Variants in PALLD observed in about 807,000 individuals in gnomAD.
The protein encoded by PALLD is palladin.
A neutral mutation model predicts 123.5 loss-of-function variants in PALLD; 61 were observed. The observed-to-expected ratio is 0.49, with a 90% CI of 0.40 to 0.61. The LOEUF (loss-of-function observed/expected upper bound fraction) is 0.61. PALLD is among the 20% of genes least tolerant of loss of function. PALLD has a pLI of 0.00. For synonymous variants in PALLD, 465 were observed against 496.4 expected (o/e 0.94, Z 0.84); for missense variants, 1,273 against 1,377.0 (o/e 0.92, Z 1.20).
chr4:168,903,553 T>C (rs1346210999), intron 14 of PALLD, among the ~76,000 whole-genome samples: 2 of 152,162 alleles, frequency 1.3e-5, no homozygotes, highest in Non-Finnish European at 2.9e-5. Flanking sequence ...AAGGAAGATA[T>C]ATAATTTAAA....
intron 1 of PALLD, among the ~76,000 whole-genome samples, chr4:168,500,818 C>T (rs1017365160): frequency 6.6e-6 from 1 of 152,126 alleles, no homozygotes; most frequent in Admixed American, 6.6e-5. Flanking sequence ...TTTTTTCTAT[C>T]ATTTGTATAT....
chr4:168,897,106 C>T lies in PALLD; in HGVS notation c.2250+507C>T, dbSNP rs536129558. Reference sequence around the variant, plus strand: ...TTGGCTTCCCAAAGCGCTGGGAATACGGCATGAGCCACAGTGCCTGGCCTC... The same window carrying T: ...TTGGCTTCCCAAAGCGCTGGGAATATGGCATGAGCCACAGTGCCTGGCCTC... On this transcript the variant is annotated intron_variant, in intron 13 of 21. Coordinates refer to ENST00000505667, the MANE Select transcript of PALLD (RefSeq NM_001166108.2). Among the ~76,000 whole-genome samples the T allele has an allele frequency of 7.9e-5, 12 of 152,308 alleles. No homozygotes were observed. In the East Asian group the frequency reaches 1.2e-3, roughly 15 times the overall value.
chr4:168,646,233 G>C (rs1355018693), intron 2 of PALLD, among the ~76,000 whole-genome samples: 3 of 152,154 alleles, frequency 2.0e-5, no homozygotes, highest in African/African-American at 7.2e-5. Flanking sequence ...CCCATATCTC[G>C]TGCCCAAATA....
At chr4:168,499,269 AGGATGGGAGGGAGGATGGGAGG>A (rs1761101083) in intron 1 of PALLD, among the ~76,000 whole-genome samples, 1 of 31,406 alleles carries the variant, frequency 3.2e-5, no homozygotes, top group African/African-American at 1.5e-4. Flanking sequence ...GAAGGGAGGG[AGGATGGGAGGGAGGATGGGAGG>A]GAGGATGGGA....
At chr4:168,509,542 A>T (rs1367045472) in intron 1 of PALLD, among the ~76,000 whole-genome samples, 1 of 152,200 alleles carries the variant, frequency 6.6e-6, no homozygotes, top group Non-Finnish European at 1.5e-5. Flanking sequence ...GAATAACTGG[A>T]GACCAGTCAG....
At chr4:168,816,328 C>A (rs1249759220) in intron 10 of PALLD, among the ~76,000 whole-genome samples, 1 of 150,506 alleles carries the variant, frequency 6.6e-6, no homozygotes, top group Non-Finnish European at 1.5e-5. Context: ...GCTTAGGAAC[C>A]CAGAGCTTTA....
At chr4:168,924,918 C>T (rs753025711) in intron 19 of PALLD, 27 bp from the exon 20 acceptor site, 1 of 1,613,692 alleles carries the variant, frequency 6.2e-7, no homozygotes, top group Non-Finnish European at 8.5e-7. Context: ...AAATTTAGAA[C>T]CCTAATGACT....
At chr4:168,594,866 T>C (rs1771821933) in intron 2 of PALLD, among the ~76,000 whole-genome samples, 1 of 152,158 alleles carries the variant, frequency 6.6e-6, no homozygotes, top group African/African-American at 2.4e-5. Flanking sequence ...AGAACAAGGT[T>C]AACATAACTA....
rs1762575507 is a variant in PALLD, at chr4:168,512,078, A to C, written c.574A>C (p.Ser192Arg). ...TAAAGCCGCAAAGCCAAGAAACAGA[A>C]GCCCAAATGGGGAGTCCTCGTCACC... ...IFKAAKPRNR[S>R]PNGESSSPDS... Residue 192 changes from serine to arginine, a missense_variant, in exon 2 of 22, where the codon AGC becomes CGC. By Grantham distance (110) the Ser-to-Arg change is moderately radical. Around this residue, in one of 2 missense-constraint regions of PALLD, gnomAD observed 944 missense variants for 954.5 expected, o/e 0.99. Transcript: ENST00000505667. 2 of 1,614,134 alleles carry C rather than the reference A, an allele frequency of 1.2e-6. No individual in the cohort carries two copies. The highest frequency in any genetic ancestry group is 1.7e-6 in the Non-Finnish European group (2 of 1,180,048).
intron 2 of PALLD, among the ~76,000 whole-genome samples, chr4:168,573,387 C>T (rs1288437952): frequency 6.6e-6 from 1 of 152,086 alleles, no homozygotes; most frequent in Non-Finnish European, 1.5e-5. Context: ...CTATCTCTCT[C>T]CTTTCACTAG....
chr4:168,661,411 G>A (rs1779122743), intron 2 of PALLD, among the ~76,000 whole-genome samples: 1 of 152,206 alleles, frequency 6.6e-6, no homozygotes, highest in South Asian at 2.1e-4. Flanking sequence ...CTTGATGAAT[G>A]AATGAATAAT....
chr4:168,889,730 T>C (rs1442057855), intron 10 of PALLD, among the ~76,000 whole-genome samples: 5 of 152,158 alleles, frequency 3.3e-5, no homozygotes, highest in Non-Finnish European at 4.4e-5. Flanking sequence ...TCTAAAACTT[T>C]TGCATGTAAC....
intron 2 of PALLD, among the ~76,000 whole-genome samples, chr4:168,604,073 T>C (rs62335530): frequency 0.085 from 12,900 of 152,234 alleles, 739 homozygotes; most frequent in Non-Finnish European, 0.12. Flanking sequence ...AAAATAACTC[T>C]GAAAACTCTC....
At chr4:168,915,859 A>G (rs777401617) in intron 16 of PALLD, 36 bp from the exon 17 acceptor site, 4 of 1,569,310 alleles carry the variant, frequency 2.5e-6, no homozygotes, top group South Asian at 1.1e-5. Context: ...ACTACTATCT[A>G]TATTTCTATC....
intron 2 of PALLD, among the ~76,000 whole-genome samples, chr4:168,587,441 TA>T (rs1425485248): frequency 6.6e-6 from 1 of 152,158 alleles, no homozygotes; most frequent in Non-Finnish European, 1.5e-5. Flanking sequence ...ACTCCTTGGC[TA>T]AAGCAGCAGA....
intron 2 of PALLD, among the ~76,000 whole-genome samples, chr4:168,666,570 G>A (rs1010042653): frequency 2.0e-5 from 3 of 152,164 alleles, no homozygotes; most frequent in African/African-American, 7.2e-5. Context: ...TAATATTTGA[G>A]GGCTATGTAA....
chr4:168,816,890 T>G, intron 10 of PALLD, among the ~76,000 whole-genome samples: 1 of 126,052 alleles, frequency 7.9e-6, no homozygotes, highest in African/African-American at 3.0e-5. Flanking sequence ...GGGGGAGCCG[T>G]GGGCAAGGGG....
intron 14 of PALLD, among the ~76,000 whole-genome samples, chr4:168,900,816 T>A (rs1401069069): frequency 1.3e-5 from 2 of 152,238 alleles, no homozygotes; most frequent in African/African-American, 4.8e-5. Context: ...ATCAAACGCA[T>A]GTATTAAAAA....
intron 10 of PALLD, among the ~76,000 whole-genome samples, chr4:168,785,844 G>GATAT (rs1230880749): frequency 0.023 from 1,239 of 53,128 alleles, 45 homozygotes; most frequent in East Asian, 0.043. Context: ...ATAAACTGTA[G>GATAT]AGATATATAT....
Sources: gnomAD v4.1 joint callset for allele counts (sites outside exome capture counted in the v4.1 genomes callset) on GRCh38, gnomAD v4.1.1 for gene constraint, gnomAD v4.1.1 regional missense constraint, MANE v1.5 for transcripts, NCBI Gene and HGNC (gene_info 2026-07-23, HGNC 2026-07-21) for gene names.